PEPD: variants seen among roughly 807,000 people sequenced by gnomAD.
PEPD encodes the protein peptidase D.
Under a neutral mutation model 60.7 loss-of-function variants are expected in PEPD, and 53 were observed. The ratio of observed to expected loss-of-function variants is 0.87; its 90% CI spans 0.70 to 1.10. The LOEUF is 1.10. Ranked by LOEUF, PEPD falls within the 50% of genes least tolerant of loss-of-function variation. The pLI is 0.00. For synonymous variants in PEPD, 267 were observed against 284.1 expected (o/e 0.94, Z 0.60); for missense variants, 711 against 711.9 (o/e 1.00, Z 0.01).
chr19:33,520,368 C>T (rs1365464680), intron 1 of PEPD, among the ~76,000 whole-genome samples: 1 of 152,236 alleles, frequency 6.6e-6, no homozygotes, highest in Non-Finnish European at 1.5e-5. Context: ...ACTTTGTCTG[C>T]ACTGTTCTCT....
At chr19:33,439,755 C>T (rs1969449462) in intron 9 of PEPD, among the ~76,000 whole-genome samples, 1 of 152,206 alleles carries the variant, frequency 6.6e-6, no homozygotes, top group African/African-American at 2.4e-5. Context: ...CTGGCACCCC[C>T]GACTGTCAGC....
intron 9 of PEPD, among the ~76,000 whole-genome samples, chr19:33,458,834 A>G: frequency 7.0e-4 from 1 of 1,420 alleles, no homozygotes. Flanking sequence ...AGTGCGCAGG[A>G]TGTGTGGTAT....
chr19:33,421,714 G>A (rs1948972490), intron 9 of PEPD, among the ~76,000 whole-genome samples: 1 of 151,938 alleles, frequency 6.6e-6, no homozygotes, highest in African/African-American at 2.4e-5. Context: ...AGGCTGGTTT[G>A]GAACTCCTGG....
At chr19:33,397,574 C>G (rs539329462) in intron 12 of PEPD, among the ~76,000 whole-genome samples, 3 of 151,998 alleles carry the variant, frequency 2.0e-5, no homozygotes, top group African/African-American at 7.2e-5. Flanking sequence ...TTGGGGGACA[C>G]CAATGCCACA....
intron 9 of PEPD, among the ~76,000 whole-genome samples, chr19:33,424,306 T>C (rs773095878): frequency 1.3e-5 from 2 of 152,258 alleles, no homozygotes; most frequent in African/African-American, 2.4e-5. Context: ...AAGCTCGCAG[T>C]ACCCGCCTTG....
chr19:33,484,188 C>T (rs902176103), intron 6 of PEPD, among the ~76,000 whole-genome samples: 1 of 152,176 alleles, frequency 6.6e-6, no homozygotes, highest in Non-Finnish European at 1.5e-5. Flanking sequence ...AAAGAGACTA[C>T]GGGCAGCCAG....
intron 1 of PEPD, 44 bp downstream of exon 1, chr19:33,521,700 C>G (rs1487070069): frequency 6.4e-7 from 1 of 1,565,958 alleles, no homozygotes; most frequent in Middle Eastern, 2.3e-4. Context: ...ACCCATGCCC[C>G]TCTCCACGCC....
intron 6 of PEPD, among the ~76,000 whole-genome samples, chr19:33,478,865 G>T (rs1320443503): frequency 6.6e-6 from 1 of 152,164 alleles, no homozygotes; most frequent in Non-Finnish European, 1.5e-5. Context: ...AGAGTAACCT[G>T]AATCCACGTG....
At chr19:33,422,157 T>C (rs1969033668) in intron 9 of PEPD, among the ~76,000 whole-genome samples, 1 of 152,058 alleles carries the variant, frequency 6.6e-6, no homozygotes, top group Non-Finnish European at 1.5e-5. Context: ...ACCAGGCCAC[T>C]GGAACAGCTT....
intron 9 of PEPD, among the ~76,000 whole-genome samples, chr19:33,422,423 C>CCTAT (rs112215031): frequency 0.44 from 65,641 of 150,790 alleles, 14,618 homozygotes; most frequent in African/African-American, 0.53. Context: ...GATCTACCTA[C>CCTAT]CTATCATCTA....
rs559825374 is a variant in PEPD at position 33,497,244 on chromosome 19, T to C, written c.393+3694A>G. Among the ~76,000 whole-genome samples the C allele has an allele frequency of 6.6e-5, 10 of 152,374 alleles. No individual in the cohort carries two copies. In the South Asian group the frequency reaches 2.1e-3, roughly 32 times the overall value. On this transcript the variant is annotated intron_variant, in intron 4 of 14. Coordinates refer to ENST00000244137, the MANE Select transcript of PEPD (RefSeq NM_000285.4). ...CTTCCGATGCCTGTCCCTGTGCTGC[T>C]GCGGTTGTCCTCTTACATCTGTCCT...
At chr19:33,406,518 C>A (rs1161203118) in intron 11 of PEPD, among the ~76,000 whole-genome samples, 1 of 152,204 alleles carries the variant, frequency 6.6e-6, no homozygotes, top group Non-Finnish European at 1.5e-5. Context: ...TGGCTGGTGA[C>A]AACAAGTCTC....
At position 33,388,852 on chromosome 19, in the gene PEPD, AGCTGAGGGGGCCTCAGCTTG is replaced by A. The variant is rs72268459; in HGVS notation, c.1153-791_1153-772del. 0.018 allele frequency: 2,764 copies of A among 153,460 alleles called. 130 individuals are homozygous for A. In the East Asian group the frequency reaches 0.18, roughly 10 times the overall value. 9.5% of individuals were successfully genotyped at this position (153,460 alleles called of 1,614,324 possible). A position where few individuals can be genotyped will look rare whatever the true frequency, so the allele number is the denominator to read the frequency against. ...CCTGGCCTTGTCCACTCACAGGCAC[AGCTGAGGGGGCCTCAGCTTG>A]GCTGAGGGCAGCGGGTGCTCTGGGA... On this transcript the variant is annotated intron_variant, in intron 13 of 14. Coordinates refer to ENST00000244137, the MANE Select transcript of PEPD (RefSeq NM_000285.4).
chr19:33,471,658 C>A (rs564106339), intron 7 of PEPD, among the ~76,000 whole-genome samples: 81 of 152,302 alleles, frequency 5.3e-4, no homozygotes, highest in Middle Eastern at 6.8e-3. Context: ...AAGGCCACCT[C>A]CTCCAGGAAG....
chr19:33,411,188 C>T (rs1406929962), intron 11 of PEPD, among the ~76,000 whole-genome samples: 1 of 152,204 alleles, frequency 6.6e-6, no homozygotes, highest in Non-Finnish European at 1.5e-5. Context: ...GCACTGCTGA[C>T]TTGCTGAACG....
At chr19:33,418,534 G>A (rs1218133532) in intron 9 of PEPD, among the ~76,000 whole-genome samples, 2 of 152,200 alleles carry the variant, frequency 1.3e-5, no homozygotes, top group African/African-American at 4.8e-5. Context: ...GCTGCTCCAC[G>A]CCCTTCTTCT....
intron 12 of PEPD, among the ~76,000 whole-genome samples, chr19:33,393,238 T>TGGCGTGGGGGAGGGCCC (rs1968271832): frequency 1.4e-5 from 1 of 72,602 alleles, no homozygotes; most frequent in African/African-American, 5.9e-5. Context: ...TCCCGGGGTC[T>TGGCGTGGGGGAGGGCCC]GGGGTCTGGG....
intron 7 of PEPD, among the ~76,000 whole-genome samples, chr19:33,466,983 C>T (rs1484491067): frequency 6.6e-5 from 10 of 151,760 alleles, no homozygotes; most frequent in Admixed American, 6.6e-4. Context: ...CGGTGAAACC[C>T]CATCTCTACT....
In PEPD at chr19:33,512,728, G is replaced by A. The variant is rs760417796; in HGVS notation, c.66C>T (p.Leu22=). The part of the protein sequence containing the change: ...GNETLKVPLA[L]FALNRQRLCE... ...ACAGGCGCTGCCGGTTCAAGGCAAA[G>A]AGCGCCAGCGGCACCTTCAGGGTTT... The change falls in exon 2 of 15, where the codon CTC becomes CTT. Residue 22 remains leucine (L), a synonymous_variant. Coordinates refer to ENST00000244137, the MANE Select transcript of PEPD (RefSeq NM_000285.4). 14 of 1,614,050 alleles carry A rather than the reference G, an allele frequency of 8.7e-6. No individual in the cohort carries two copies. The South Asian group carries it at 1.3e-4, about 15-fold the overall frequency.
Sources: allele counts gnomAD v4.1 joint callset (sites outside exome capture counted in the v4.1 genomes callset), GRCh38; gene constraint gnomAD v4.1.1; transcripts MANE v1.5; gene names NCBI Gene and HGNC (gene_info 2026-07-23, HGNC 2026-07-21).